Variants in LRRC31 observed in about 807,000 individuals in gnomAD.
The protein encoded by LRRC31 is leucine rich repeat containing 31, also known as leucine-rich repeat-containing protein 31.
A neutral mutation model predicts 46.7 loss-of-function variants in LRRC31; 35 were observed. The ratio of observed to expected loss-of-function variants is 0.75; its 90% CI spans 0.57 to 0.99. The LOEUF is 0.99. Ranked by LOEUF, LRRC31 falls within the 50% of genes least tolerant of loss-of-function variation. LRRC31 has a pLI of 0.00. For synonymous variants in LRRC31, 236 were observed against 235.1 expected (o/e 1.00, Z -0.03); for missense variants, 613 against 626.1 (o/e 0.98, Z 0.22).
intron 7 of LRRC31, among the ~76,000 whole-genome samples, chr3:169,848,508 G>A (rs1435938359): frequency 2.6e-5 from 4 of 152,174 alleles, no homozygotes; most frequent in Non-Finnish European, 4.4e-5. Flanking sequence ...CCAGGCTGGA[G>A]TGCAGTGGCG....
At chr3:169,853,676 A>T (rs2108211753) in intron 6 of LRRC31, 2 of 985,624 alleles carry the variant, frequency 2.0e-6, no homozygotes, top group Non-Finnish European at 2.4e-6. Flanking sequence ...TTGTCATTTT[A>T]AAATCTTCAT....
chr3:169,867,046 TGTTTGTTTGTTTG>T (rs1447280339), intron 1 of LRRC31, among the ~76,000 whole-genome samples: 29 of 128,984 alleles, frequency 2.2e-4, no homozygotes, highest in African/African-American at 6.3e-4. Flanking sequence ...GGGTTTTTTT[TGTTTGTTTGTTTG>T]TTTTTTTTTT....
At chr3:169,840,360 T>C (rs1218407974) in intron 8 of LRRC31, 47 bp from the exon 9 acceptor site, 1 of 1,578,622 alleles carries the variant, frequency 6.3e-7, no homozygotes, top group Non-Finnish European at 8.7e-7. Flanking sequence ...GAATACTGTC[T>C]GCCATGGCTA....
At chr3:169,856,977 C>T (rs1780968004) in intron 3 of LRRC31, 105 bp from the exon 4 acceptor site, 1 of 1,108,486 alleles carries the variant, frequency 9.0e-7, no homozygotes, top group Admixed American at 2.2e-5. Context: ...GAAACTGGGC[C>T]AGGTACTGTC....
chr3:169,840,337 T>C (rs1467161027), intron 8 of LRRC31, 24 bp from the exon 9 acceptor site: 7 of 1,611,846 alleles, frequency 4.3e-6, no homozygotes, highest in Non-Finnish European at 5.9e-6. Flanking sequence ...TCACTCTAAA[T>C]GCTAACATAC....
At position 169,861,601 on chromosome 3, in the gene LRRC31, T is replaced by C. The variant is rs944818448; in HGVS notation, c.319+69A>G. On this transcript the variant is annotated intron_variant, in intron 2 of 8. Transcript: ENST00000316428. ...TGGGGTTACTAGGTGGGTAGCTGAGTATGTTTTATCTGCTTATCTCAATGG... is the reference window on the plus strand; with the variant it reads ...TGGGGTTACTAGGTGGGTAGCTGAGCATGTTTTATCTGCTTATCTCAATGG... 2.6e-6 allele frequency: 4 copies of C among 1,520,774 alleles called. No individual in the cohort carries two copies. In the East Asian group the frequency reaches 9.2e-5, roughly 35 times the overall value. The allele number at this position is 1,520,774 out of a possible 1,614,324, so 94.2% of individuals were successfully genotyped here. A position where few individuals can be genotyped will look rare whatever the true frequency, so the allele number is the denominator to read the frequency against.
intron 8 of LRRC31, among the ~76,000 whole-genome samples, chr3:169,842,358 T>G (rs992331845): frequency 6.6e-6 from 1 of 152,222 alleles, no homozygotes; most frequent in African/African-American, 2.4e-5. Context: ...CTGTTGTTGT[T>G]TTTGTTTTTT....
At chr3:169,862,274 G>A (rs908107175) in intron 1 of LRRC31, among the ~76,000 whole-genome samples, 10 of 152,216 alleles carry the variant, frequency 6.6e-5, no homozygotes, top group African/African-American at 2.4e-4. Flanking sequence ...GCCACACGGA[G>A]TAAGTGGAAT....
intron 2 of LRRC31, among the ~76,000 whole-genome samples, chr3:169,861,070 C>CTTTT (rs11337221): frequency 2.5e-4 from 31 of 124,992 alleles, no homozygotes; most frequent in African/African-American, 9.3e-4. Flanking sequence ...TTTTCTTTTC[C>CTTTT]TTTTTTTTTT....
At chr3:169,856,951 T>C (rs1780967388) in intron 3 of LRRC31, 79 bp from the exon 4 acceptor site, 1 of 1,390,372 alleles carries the variant, frequency 7.2e-7, no homozygotes, top group African/African-American at 1.4e-5. Context: ...AGCACAACCA[T>C]GATTAATGGA....
intron 1 of LRRC31, among the ~76,000 whole-genome samples, chr3:169,864,344 G>A (rs1781264288): frequency 6.6e-6 from 1 of 152,164 alleles, no homozygotes; most frequent in Non-Finnish European, 1.5e-5. Context: ...CAAACTGACA[G>A]ACGCAGAAAT....
rs1318813955 is a variant in LRRC31 at position 169,841,498 on chromosome 3, G to A, written c.1328-1185C>T. Among the ~76,000 whole-genome samples the A allele has an allele frequency of 4.6e-5, 7 of 152,282 alleles. No individual in the cohort carries two copies. In the East Asian group the frequency reaches 1.3e-3, roughly 29 times the overall value. On this transcript the variant is annotated intron_variant, in intron 8 of 8. Coordinates refer to ENST00000316428, the MANE Select transcript of LRRC31 (RefSeq NM_024727.4). Reference sequence around the variant, plus strand: ...CACAACAGCTGCACTCTGTCTCTAGGTGTTCATGTCAGTGTGTGTCTCCCT... The same window carrying A: ...CACAACAGCTGCACTCTGTCTCTAGATGTTCATGTCAGTGTGTGTCTCCCT...
chr3:169,865,857 G>A (rs1053638896), intron 1 of LRRC31, among the ~76,000 whole-genome samples: 1 of 152,080 alleles, frequency 6.6e-6, no homozygotes, highest in Admixed American at 6.6e-5. Flanking sequence ...AAGTCGGGGG[G>A]TTGCAGGGGA....
intron 8 of LRRC31, among the ~76,000 whole-genome samples, chr3:169,842,744 G>C (rs560869590): frequency 1.3e-5 from 2 of 151,908 alleles, no homozygotes; most frequent in East Asian, 3.9e-4. Context: ...AAAACTGTCA[G>C]TAAAAATTAA....
At chr3:169,855,577 A>C (rs1236400637) in intron 5 of LRRC31, among the ~76,000 whole-genome samples, 1 of 152,218 alleles carries the variant, frequency 6.6e-6, no homozygotes. Flanking sequence ...CAGGTTCTGT[A>C]AGTTGAAGGG....
chr3:169,855,123 C>A (rs774563626), intron 5 of LRRC31, 143 bp from the exon 6 acceptor site: 6 of 615,008 alleles, frequency 9.8e-6, no homozygotes, highest in African/African-American at 1.8e-5. Context: ...AGATCCATCT[C>A]TTAAAAAAAG....
At chr3:169,853,645 A>G (rs1780855933) in intron 6 of LRRC31, 1 of 985,774 alleles carries the variant, frequency 1.0e-6, no homozygotes, top group South Asian at 4.7e-5. Context: ...TGCTCCACGC[A>G]AAGCTCAAAA....
At chr3:169,849,366 T>A (rs1780690482) in intron 7 of LRRC31, among the ~76,000 whole-genome samples, 1 of 152,248 alleles carries the variant, frequency 6.6e-6, no homozygotes, top group Non-Finnish European at 1.5e-5. Context: ...ATGATATAAT[T>A]TAGTGTGATA....
At position 169,848,230 on chromosome 3, in the gene LRRC31, C is replaced by T. The variant is rs764149927; in HGVS notation, c.1217G>A (p.Cys406Tyr). 3.1e-6 allele frequency: 5 copies of T among 1,614,204 alleles called. No individual in the cohort carries two copies. The East Asian group carries it at 8.9e-5, about 29-fold the overall frequency. Reference sequence around the variant, plus strand: ...AAGCAGCTTCAAGTTGCCACCAACACACTTGTTCCAAGAAAGGTTGAATAC... The same window carrying T: ...AAGCAGCTTCAAGTTGCCACCAACATACTTGTTCCAAGAAAGGTTGAATAC... ...LEVFNLSWNKCVGGNLKLLLE... is the reference protein window; with the variant it reads ...LEVFNLSWNKYVGGNLKLLLE... Residue 406 changes from cysteine to tyrosine, a missense_variant, in exon 8 of 9, where the codon TGT becomes TAT. Coordinates refer to ENST00000316428, the MANE Select transcript of LRRC31 (RefSeq NM_024727.4).
Sources: gnomAD v4.1 joint callset for allele counts (sites outside exome capture counted in the v4.1 genomes callset) on GRCh38, gnomAD v4.1.1 for gene constraint, MANE v1.5 for transcripts, NCBI Gene and HGNC (gene_info 2026-07-23, HGNC 2026-07-21) for gene names.